Variants in DAP observed in about 807,000 individuals in gnomAD.
DAP encodes death-associated protein 1.
A neutral mutation model predicts 13.8 loss-of-function variants in DAP; 8 were observed. The observed-to-expected ratio is 0.58, with a 90% CI of 0.34 to 1.05. DAP has a LOEUF of 1.05. Among genes scored for constraint, DAP ranks in the 50% least tolerant of loss-of-function variants. The pLI, the probability that DAP is intolerant of heterozygous loss-of-function variation, is 0.03. For synonymous variants in DAP, 47 were observed against 47.5 expected (o/e 0.99, Z 0.04); for missense variants, 106 against 133.2 (o/e 0.80, Z 1.01).
chr5:10,683,627 AC>A (rs1738087291), intron 2 of DAP, 56 bp from the exon 3 acceptor site: 1 of 1,547,272 alleles, frequency 6.5e-7, no homozygotes, highest in Non-Finnish European at 8.9e-7. Flanking sequence ...AACAGGGAAC[AC>A]GGTGGCAGAC....
chr5:10,727,479 AGAG>A (rs1214711642), intron 2 of DAP, among the ~76,000 whole-genome samples: 1 of 152,112 alleles, frequency 6.6e-6, no homozygotes, highest in Non-Finnish European at 1.5e-5. Context: ...GTCGGCCGTG[AGAG>A]GGTGGTGGGG....
intron 2 of DAP, chr5:10,747,958 T>C (rs1425453500): frequency 4.2e-6 from 2 of 474,724 alleles, no homozygotes; most frequent in African/African-American, 4.0e-5. Context: ...GGTGGGCGCG[T>C]GGCAACTGCT....
chr5:10,736,922 T>A (rs5745203), intron 2 of DAP, among the ~76,000 whole-genome samples: 22 of 152,246 alleles, frequency 1.4e-4, no homozygotes, highest in Non-Finnish European at 3.1e-4. Context: ...TACATGTCAC[T>A]CAGTGCCTGG....
intron 2 of DAP, among the ~76,000 whole-genome samples, chr5:10,692,838 G>A (rs1163646173): frequency 6.6e-6 from 1 of 152,152 alleles, no homozygotes; most frequent in Non-Finnish European, 1.5e-5. Flanking sequence ...GCTACTGACA[G>A]GCAACTTGTG....
chr5:10,690,529 A>T (rs868736518), intron 2 of DAP, among the ~76,000 whole-genome samples: 31 of 152,170 alleles, frequency 2.0e-4, no homozygotes, highest in African/African-American at 7.0e-4. Context: ...TGCCCTAGGG[A>T]TCTCATGTAA....
chr5:10,687,404 A>C (rs1579783672), intron 2 of DAP, among the ~76,000 whole-genome samples: 1 of 152,242 alleles, frequency 6.6e-6, no homozygotes, highest in Non-Finnish European at 1.5e-5. Flanking sequence ...TGCCACTAAG[A>C]ATACTCATGA....
chr5:10,761,181 C>A lies in DAP; in HGVS notation c.-113G>T, dbSNP rs1157060929. 1 of 523,020 alleles carries A rather than the reference C, an allele frequency of 1.9e-6. No homozygotes were observed. The allele number at this position is 523,020 out of a possible 1,614,324, so 32.4% of individuals were successfully genotyped here. A position where few individuals can be genotyped will look rare whatever the true frequency, so the allele number is the denominator to read the frequency against. On this transcript the variant is annotated 5_prime_UTR_variant, in exon 1 of 4. Transcript: ENST00000230895. ...GGGGAGCGAGCGGGCGGGAGAACGA[C>A]GCGCGCGCGTGGGGCGCCGGGGCCG...
chr5:10,687,323 A>ATAAG (rs1738180311), intron 2 of DAP, among the ~76,000 whole-genome samples: 1 of 152,234 alleles, frequency 6.6e-6, no homozygotes. Flanking sequence ...TATTTAAGAA[A>ATAAG]TAAGTAATTC....
At chr5:10,705,510 T>C (rs1011480926) in intron 2 of DAP, among the ~76,000 whole-genome samples, 1 of 152,224 alleles carries the variant, frequency 6.6e-6, no homozygotes, top group East Asian at 1.9e-4. Flanking sequence ...GGCTGTGCAT[T>C]TGGCCCCAGC....
Position 10,707,989 on chromosome 5 carries a change from C to G in DAP, c.153-24418G>C, listed in dbSNP as rs1579797009. On this transcript the variant is annotated intron_variant, in intron 2 of 3. Coordinates refer to ENST00000230895, the MANE Select transcript of DAP (RefSeq NM_004394.3). The surrounding 1 kb of genome is among the most constrained non-coding windows in gnomAD (Gnocchi z 4.0). The stretch of plus-strand genomic sequence containing the variant: ...ATGCTACACTGAAGAGCTGAATCAT[C>G]CTTTAATATTAAGTACAAAGGAATT... Among the ~76,000 whole-genome samples, 1 of 152,160 alleles carries G rather than the reference C, an allele frequency of 6.6e-6. No individual in the cohort carries two copies. The highest frequency in any genetic ancestry group is 1.9e-4 in the East Asian group (1 of 5,200).
intron 3 of DAP, 157 bp downstream of exon 3, chr5:10,683,372 T>C (rs2126633304): frequency 2.5e-6 from 2 of 813,382 alleles, no homozygotes; most frequent in East Asian, 5.0e-5. Context: ...AAGCAGCCTC[T>C]GGGGAAACGC....
At chr5:10,720,514 C>T (rs945229460) in intron 2 of DAP, among the ~76,000 whole-genome samples, 4 of 152,198 alleles carry the variant, frequency 2.6e-5, no homozygotes, top group South Asian at 2.1e-4. Flanking sequence ...CAAGTGGATG[C>T]GATGACCCGT....
intron 2 of DAP, among the ~76,000 whole-genome samples, chr5:10,705,429 C>T (rs2126647965): frequency 6.6e-6 from 1 of 152,336 alleles, no homozygotes; most frequent in African/African-American, 2.4e-5. Context: ...GGGTCACGTG[C>T]TGTTTGGTCA....
chr5:10,689,795 GACTC>G (rs768447953), intron 2 of DAP, among the ~76,000 whole-genome samples: 4 of 152,146 alleles, frequency 2.6e-5, no homozygotes, highest in Non-Finnish European at 4.4e-5. Flanking sequence ...CAGTCAAAGG[GACTC>G]ACTCAGGATG....
chr5:10,684,122 C>G, intron 2 of DAP, among the ~76,000 whole-genome samples: 1 of 152,196 alleles, frequency 6.6e-6, no homozygotes, highest in East Asian at 1.9e-4. Context: ...CTGTGCCCAG[C>G]CTATTTTTGT....
chr5:10,718,835 C>T (rs1241542826), intron 2 of DAP, among the ~76,000 whole-genome samples: 1 of 152,230 alleles, frequency 6.6e-6, no homozygotes, highest in African/African-American at 2.4e-5. Flanking sequence ...TACACATTTA[C>T]TGTCCTACCT....
chr5:10,681,260 CTGCG>C (rs1378951317), intron 3 of DAP, 91 bp from the exon 4 acceptor site: 1 of 1,007,536 alleles, frequency 9.9e-7, no homozygotes, highest in African/African-American at 1.6e-5. Flanking sequence ...ACCAGCGTCC[CTGCG>C]GAAGGATAGC....
intron 1 of DAP, among the ~76,000 whole-genome samples, chr5:10,755,305 G>A (rs933093095): frequency 6.6e-6 from 1 of 152,214 alleles, no homozygotes; most frequent in Non-Finnish European, 1.5e-5. Context: ...TCCTCCAGAA[G>A]GAACCAGTTG....
rs547422640 is a variant in DAP at position 10,754,515 on chromosome 5, A to AC, written c.56-6245dup. 1.1e-4 allele frequency among the ~76,000 whole-genome samples: 17 copies of AC among 152,010 alleles called. No homozygotes were observed. In the South Asian group the frequency reaches 2.5e-3, roughly 22 times the overall value. On this transcript the variant is annotated intron_variant, in intron 1 of 3. Coordinates refer to ENST00000230895, the MANE Select transcript of DAP (RefSeq NM_004394.3). Reference sequence around the variant, plus strand: ...GAATGAAGTTCAGAGACATAGTGGGACCCCCCTGGGCCAAACACTCCATCT... The same window carrying AC: ...GAATGAAGTTCAGAGACATAGTGGGACCCCCCCTGGGCCAAACACTCCATCT...
Sources: gnomAD v4.1 joint callset for allele counts (sites outside exome capture counted in the v4.1 genomes callset) on GRCh38, gnomAD v4.1.1 for gene constraint, Gnocchi (gnomAD v3.1) non-coding constraint, MANE v1.5 for transcripts, NCBI Gene and HGNC (gene_info 2026-07-23, HGNC 2026-07-21) for gene names.